Variants in TRIP11 observed in about 807,000 individuals in gnomAD.
The protein encoded by TRIP11 is thyroid hormone receptor interactor 11, also known as thyroid receptor-interacting protein 11.
TRIP11 carries 148 observed loss-of-function variants against 223.1 expected under a neutral mutation model. The observed-to-expected ratio is 0.66, with a 90% CI of 0.58 to 0.76. The LOEUF (loss-of-function observed/expected upper bound fraction) is 0.76, where lower values mean the gene tolerates loss of function less well. Ranked by LOEUF, TRIP11 falls within the 30% of genes least tolerant of loss-of-function variation. TRIP11 has a pLI of 0.00. For missense variants in TRIP11, 2,043 were observed against 2,222.0 expected (o/e 0.92, Z 1.62); for synonymous variants, 762 against 772.6 (o/e 0.99, Z 0.23).
At chr14:92,001,982 C>T (rs1024613886) in intron 11 of TRIP11, among the ~76,000 whole-genome samples, 4 of 152,182 alleles carry the variant, frequency 2.6e-5, no homozygotes, top group Admixed American at 6.5e-5. Flanking sequence ...TAAGAGGGAA[C>T]CTAACTGGCA....
chr14:92,033,350 G>A, intron 1 of TRIP11, 97 bp from the exon 2 acceptor site: 1 of 955,850 alleles, frequency 1.0e-6, no homozygotes, highest in East Asian at 2.6e-5. Context: ...AGTTTACACA[G>A]AATAGTAGGC....
At chr14:91,991,785 TA>T (rs1217229525) in intron 15 of TRIP11, among the ~76,000 whole-genome samples, 1 of 152,002 alleles carries the variant, frequency 6.6e-6, no homozygotes, top group Non-Finnish European at 1.5e-5. Flanking sequence ...GTAAGTTTTT[TA>T]AAAAAGCAAG....
At chr14:91,993,782 C>G in intron 15 of TRIP11, 27 bp downstream of exon 15, 2 of 1,540,920 alleles carry the variant, frequency 1.3e-6, no homozygotes, top group African/African-American at 1.4e-5. Context: ...ATAATAAAAC[C>G]TACAAGAGAA....
intron 11 of TRIP11, among the ~76,000 whole-genome samples, chr14:92,002,450 A>G (rs2056838224): frequency 6.6e-6 from 1 of 152,206 alleles, no homozygotes; most frequent in African/African-American, 2.4e-5. Flanking sequence ...TACTTTTCAA[A>G]TTCCAGGTTG....
intron 1 of TRIP11, among the ~76,000 whole-genome samples, chr14:92,039,342 G>C (rs928104844): frequency 3.9e-5 from 6 of 152,158 alleles, no homozygotes; most frequent in Admixed American, 6.5e-5. Flanking sequence ...AAAGAGAGGA[G>C]AACCAGGACT....
At chr14:92,038,014 G>T (rs1566878889) in intron 1 of TRIP11, among the ~76,000 whole-genome samples, 1 of 152,162 alleles carries the variant, frequency 6.6e-6, no homozygotes, top group Non-Finnish European at 1.5e-5. Flanking sequence ...AAGAGGAATA[G>T]TCCCTGGGAA....
At position 91,966,301 on chromosome 14, in the gene TRIP11, A is replaced by AT. The variant is rs888509881; in HGVS notation, c.*3371dup. The AT allele has an allele frequency of 5.6e-5, 10 of 178,832 alleles. No homozygotes were observed. Among genetic ancestry groups the AT allele is most frequent in the African/African-American group, 1.4e-4 (6 of 42,314 alleles). 11.1% of individuals were successfully genotyped at this position (178,832 alleles called of 1,614,324 possible). On this transcript the variant is annotated 3_prime_UTR_variant, in exon 21 of 21. Coordinates refer to ENST00000267622, the MANE Select transcript of TRIP11 (RefSeq NM_004239.4). The stretch of plus-strand genomic sequence containing the variant: ...ACAAATGTCAGAACATTAAAGTAGC[A>AT]TTTTTTCCATAGGAATATATAAAAT...
Position 92,014,257 on chromosome 14 carries a change from C to T in TRIP11, c.1144G>A (p.Ala382Thr), listed in dbSNP as rs1277564678. 1 of 1,613,934 alleles carries T rather than the reference C, an allele frequency of 6.2e-7. No individual in the cohort carries two copies. Among genetic ancestry groups the T allele is most frequent in the Non-Finnish European group, 8.5e-7 (1 of 1,180,002 alleles). Residue 382 changes from alanine to threonine, a missense_variant, in exon 7 of 21, where the codon GCA becomes ACA. Transcript: ENST00000267622. ...TEKERILAQS[A>T]SVEEVFRLQQ... The stretch of plus-strand genomic sequence containing the variant: ...AGTCTGAACACTTCTTCCACTGATG[C>T]ACTCTGGGCAAGAATTCTTTCCTTT...
intron 1 of TRIP11, 42 bp from the exon 2 acceptor site, chr14:92,033,295 A>G (rs1204330036): frequency 7.2e-7 from 1 of 1,393,174 alleles, no homozygotes; most frequent in Admixed American, 1.7e-5. Flanking sequence ...AATCAATACC[A>G]TATGAAGTAA....
intron 9 of TRIP11, among the ~76,000 whole-genome samples, chr14:92,009,589 A>G (rs2056946371): frequency 6.9e-6 from 1 of 145,114 alleles, no homozygotes; most frequent in Non-Finnish European, 1.5e-5. Context: ...TATATAATAT[A>G]GTAATTTTTA....
Position 92,017,687 on chromosome 14 carries a change from T to C in TRIP11, c.652A>G (p.Ile218Val), listed in dbSNP as rs751161640. The change falls in exon 5 of 21, where the codon ATT becomes GTT. Residue 218 changes from isoleucine (I) to valine (V), a missense_variant. Coordinates refer to ENST00000267622, the MANE Select transcript of TRIP11 (RefSeq NM_004239.4). ...QSEICKLQNI[I>V]KELKQNRSQE... ...CAATCAACAATTTGACTTACCTTAATGATATTTTGTAGTTTACATATTTCA... is the reference window on the plus strand; with the variant it reads ...CAATCAACAATTTGACTTACCTTAACGATATTTTGTAGTTTACATATTTCA... The C allele has an allele frequency of 6.2e-7, 1 of 1,610,480 alleles. No homozygotes were observed. Among genetic ancestry groups the C allele is most frequent in the Non-Finnish European group, 8.5e-7 (1 of 1,177,460 alleles).
chr14:91,986,353 T>C (rs988300447), intron 16 of TRIP11, among the ~76,000 whole-genome samples: 8 of 152,226 alleles, frequency 5.3e-5, no homozygotes, highest in African/African-American at 1.7e-4. Context: ...TTTCAGACTT[T>C]GGAATATCTA....
chr14:92,030,014 G>A (rs2057243263), intron 2 of TRIP11, among the ~76,000 whole-genome samples: 2 of 151,818 alleles, frequency 1.3e-5, no homozygotes, highest in Admixed American at 6.6e-5. Context: ...CGGCTAAAAC[G>A]GTGAAACCCC....
intron 1 of TRIP11, among the ~76,000 whole-genome samples, 188 bp from the exon 2 acceptor site, chr14:92,033,441 TAA>T (rs2057290673): frequency 6.6e-6 from 1 of 152,264 alleles, no homozygotes; most frequent in Non-Finnish European, 1.5e-5. Flanking sequence ...TTCATTGTCA[TAA>T]AAGTCATTCT....
At chr14:92,035,410 T>C (rs2057313401) in intron 1 of TRIP11, among the ~76,000 whole-genome samples, 1 of 151,828 alleles carries the variant, frequency 6.6e-6, no homozygotes, top group African/African-American at 2.4e-5. Flanking sequence ...AGCTCTTTAA[T>C]ATAAAAATAA....
Position 92,015,720 on chromosome 14 carries a change from C to G in TRIP11, c.799G>C (p.Glu267Gln), listed in dbSNP as rs771521587. The part of the protein sequence containing the change: ...ELSDYEERIE[E>Q]LENLLQQGGS... Reference sequence around the variant, plus strand: ...CCTTGTTGTAACAGATTTTCAAGTTCTTCAATTCGTTCTTCATAGTCACTT... The same window carrying G: ...CCTTGTTGTAACAGATTTTCAAGTTGTTCAATTCGTTCTTCATAGTCACTT... The change falls in exon 6 of 21, where the codon GAA (glutamate) becomes CAA (glutamine). Residue 267 changes from glutamate (E) to glutamine (Q), a missense_variant. Physicochemically the swap from Glu to Gln is conservative, Grantham distance 29. Transcript: ENST00000267622. 6.2e-7 allele frequency: 1 copy of G among 1,611,136 alleles called. No individual in the cohort carries two copies. Among genetic ancestry groups the G allele is most frequent in the Non-Finnish European group, 8.5e-7 (1 of 1,179,152 alleles).
chr14:91,981,008 A>ATTT (rs1211000138), intron 16 of TRIP11, among the ~76,000 whole-genome samples: 1,135 of 78,080 alleles, frequency 0.015, 45 homozygotes, highest in Non-Finnish European at 0.017. Context: ...ATATATATAT[A>ATTT]TATATTTTTT....
At chr14:91,975,327 A>G (rs2056450978) in intron 17 of TRIP11, 41 bp from the exon 18 acceptor site, 6 of 1,305,672 alleles carry the variant, frequency 4.6e-6, no homozygotes, top group Non-Finnish European at 6.7e-6. Flanking sequence ...TGAACTCAAC[A>G]TTAAGTACAC....
At chr14:92,008,932 AAT>A (rs2056938736) in intron 9 of TRIP11, among the ~76,000 whole-genome samples, 1 of 152,218 alleles carries the variant, frequency 6.6e-6, no homozygotes, top group South Asian at 2.1e-4. Flanking sequence ...GAAACAGCCT[AAT>A]ATAAACCTTA....
Sources: allele counts gnomAD v4.1 joint callset (sites outside exome capture counted in the v4.1 genomes callset), GRCh38; gene constraint gnomAD v4.1.1; transcripts MANE v1.5; gene names NCBI Gene and HGNC (gene_info 2026-07-23, HGNC 2026-07-21).